The following MTERF4 variants were observed in gnomAD, a reference collection of about 807,000 sequenced individuals.
MTERF4 encodes transcription termination factor 4, mitochondrial.
In MTERF4, 17 loss-of-function variants were observed where a neutral mutation model predicts 22.5. The ratio of observed to expected loss-of-function variants is 0.75; its 90% confidence interval spans 0.52 to 1.13. MTERF4 has a LOEUF of 1.13. MTERF4 is among the 50% of genes most tolerant of loss of function. MTERF4 has a pLI of 0.00. For synonymous variants in MTERF4, 165 were observed against 175.3 expected, an observed-to-expected ratio of 0.94 and a Z score of 0.47; for missense variants, 420 against 466.8, an observed-to-expected ratio of 0.90 and a Z score of 0.92.
chr2:241,048,584 G>A, the MTERF4 span: 4 of 1,506,096 alleles, frequency 2.7e-6, no homozygotes, highest in Admixed American at 8.0e-5. Context: ...AGTTGGCCAG[G>A]AGCAGGGCAG....
exon 5 of MTERF4, chr2:241,074,895 C>T (rs2062947321): frequency 6.6e-6 from 1 of 152,206 alleles, no homozygotes; most frequent in Non-Finnish European, 1.5e-5. Context: ...TGATCCTGAA[C>T]TTTGTGCCTA....
rs1362134752 is a variant in MTERF4, at chr2:241,073,447, C to G, written n.2715G>C. On this transcript the variant is annotated non_coding_transcript_exon_variant, in exon 5 of 5. Transcript: ENST00000464344. The surrounding 1 kb of genome is among the most constrained non-coding windows in gnomAD (Gnocchi z 6.6). ...AGAGGCTGCAGGCAGGAGGGACCAC[C>G]CACGGTGAGGAATCAGGAGGCACAG... 1.2e-5 allele frequency: 14 copies of G among 1,140,158 alleles called. No individual in the cohort carries two copies. The highest frequency in any genetic ancestry group is 9.9e-5 in the Admixed American group (5 of 50,328). 70.6% of individuals were successfully genotyped at this position (1,140,158 alleles called of 1,614,324 possible).
chr2:241,046,920 G>A, the MTERF4 span, among the ~76,000 whole-genome samples: 10 of 152,194 alleles, frequency 6.6e-5, no homozygotes, highest in Admixed American at 5.9e-4. Flanking sequence ...CAAGGCAGGC[G>A]GATCACGAGG....
chr2:241,077,870 C>T (rs2063102906), intron 4 of MTERF4, among the ~76,000 whole-genome samples: 1 of 152,134 alleles, frequency 6.6e-6, no homozygotes, highest in South Asian at 2.1e-4. Context: ...CTCTACGCTG[C>T]TGGTGGGACT....
downstream of MTERF4, chr2:241,087,600 AGGCAGCCCC>A: frequency 6.9e-7 from 1 of 1,450,852 alleles, no homozygotes; most frequent in Non-Finnish European, 9.1e-7. Context: ...TCGCCCAGAT[AGGCAGCCCC>A]TGGGCAGCCA....
At chr2:241,062,785 T>C in the MTERF4 span, 1 of 1,600,662 alleles carries the variant, frequency 6.2e-7, no homozygotes, top group Non-Finnish European at 8.5e-7. Flanking sequence ...GGCTCTCTCC[T>C]CTCAGAAATC....
the MTERF4 span, chr2:241,049,070 G>T: frequency 5.0e-6 from 8 of 1,613,678 alleles, no homozygotes; most frequent in East Asian, 1.6e-4. Context: ...CCAGATGGGG[G>T]CTACTGCATG....
At chr2:241,091,199 AAC>A (rs2063953945), downstream of MTERF4, among the ~76,000 whole-genome samples, 1 of 152,230 alleles carries the variant, frequency 6.6e-6, no homozygotes, top group African/African-American at 2.4e-5. The surrounding 1 kb of genome is among the most constrained non-coding windows in gnomAD (Gnocchi z 4.1). Context: ...AGGAAACAGA[AAC>A]ACACGCACCC....
At chr2:241,081,705 C>T in intron 4 of MTERF4, 2 of 1,608,660 alleles carry the variant, frequency 1.2e-6, no homozygotes, top group Non-Finnish European at 1.7e-6. Flanking sequence ...CAGAAAACCC[C>T]TGTCAGAACG....
rs761828154 is a variant in MTERF4, at chr2:241,096,168, C to A, written c.976G>T (p.Glu326Ter). 13 of 1,613,830 alleles carry A rather than the reference C, an allele frequency of 8.1e-6. No homozygotes were observed. Among genetic ancestry groups the A allele is most frequent in the Non-Finnish European group, 1.1e-5 (13 of 1,179,884 alleles). Residue 326 changes from glutamate to a stop codon, truncating the protein, a stop_gained, in exon 4 of 4, where the codon GAG becomes TAG. Transcript: ENST00000391980. LOFTEE classifies it low-confidence loss of function (END_TRUNC). This position sits in a 1 kb window ranked among gnomAD's most constrained non-coding sequence, Gnocchi z 5.1. The part of the protein sequence containing the change: ...FKKLLAREEE[E>*]SESSTSDDKR... ...TCATCAGATGTGCTGCTCTCAGACTCCTCCTCCTCCCGAGCCAGGAGCTTC... is the reference window on the plus strand; with the variant it reads ...TCATCAGATGTGCTGCTCTCAGACTACTCCTCCTCCCGAGCCAGGAGCTTC...
chr2:241,100,763 C>T (rs911566623), intron 1 of MTERF4, among the ~76,000 whole-genome samples: 1 of 152,082 alleles, frequency 6.6e-6, no homozygotes, highest in Non-Finnish European at 1.5e-5. Context: ...TTTATGTTGT[C>T]GGTAAGGCTT....
chr2:241,055,735 A>G, the MTERF4 span, among the ~76,000 whole-genome samples: 12 of 152,266 alleles, frequency 7.9e-5, no homozygotes, highest in Admixed American at 7.9e-4. Context: ...GGTCTCACCC[A>G]CAGGATCATT....
At chr2:241,063,715 C>T in the MTERF4 span, 14 of 1,502,584 alleles carry the variant, frequency 9.3e-6, no homozygotes, top group Non-Finnish European at 1.3e-5. Flanking sequence ...GGGCTCCCTC[C>T]AGTGGGCCCC....
At chr2:241,048,881 C>A in the MTERF4 span, 1 of 1,186,896 alleles carries the variant, frequency 8.4e-7, no homozygotes, top group Non-Finnish European at 1.2e-6. Context: ...TGGTTCTACC[C>A]CCACCCAGGA....
downstream of MTERF4, among the ~76,000 whole-genome samples, chr2:241,089,658 A>G (rs1408487311): frequency 1.3e-5 from 2 of 152,218 alleles, no homozygotes; most frequent in African/African-American, 2.4e-5. Flanking sequence ...CTCACCCTCC[A>G]AAGACACACA....
downstream of MTERF4, chr2:241,088,776 A>G: frequency 3.7e-6 from 1 of 269,522 alleles, no homozygotes. Context: ...ACCTGGGAGG[A>G]GGGGCCACGG....
At chr2:241,072,894 G>A (rs2125251103) in exon 5 of MTERF4, 1 of 291,046 alleles carries the variant, frequency 3.4e-6, no homozygotes, top group East Asian at 6.6e-5. Context: ...AAAGAGCAGG[G>A]GGTGCCACAG....
the MTERF4 span, chr2:241,053,394 G>C: frequency 3.4e-6 from 5 of 1,465,226 alleles, no homozygotes; most frequent in African/African-American, 7.0e-5. Flanking sequence ...CCATGTGGAG[G>C]AGCACAGGGG....
downstream of MTERF4, chr2:241,088,910 C>T (rs1470535175): frequency 4.9e-6 from 1 of 202,962 alleles, no homozygotes; most frequent in African/African-American, 2.3e-5. Flanking sequence ...GCCTTGATCG[C>T]TTAATATTTA....
Sources: gnomAD v4.1 joint callset for allele counts (sites outside exome capture counted in the v4.1 genomes callset) on GRCh38, gnomAD v4.1.1 for gene constraint, Gnocchi (gnomAD v3.1) non-coding constraint, MANE v1.5 for transcripts, NCBI Gene and HGNC (gene_info 2026-07-23, HGNC 2026-07-21) for gene names.